The following USP33 variants were observed in gnomAD, a reference collection of about 807,000 sequenced individuals.
USP33 encodes ubiquitin specific peptidase 33.
Under a neutral mutation model 124.2 loss-of-function variants are expected in USP33, and 46 were observed. The observed-to-expected ratio is 0.37, with a 90% confidence interval of 0.29 to 0.47. The LOEUF (loss-of-function observed/expected upper bound fraction) is 0.47. Ranked by LOEUF, USP33 falls within the 20% of genes least tolerant of loss-of-function variation. The pLI is 0.99. For synonymous variants in USP33, 350 were observed against 352.3 expected, an observed-to-expected ratio of 0.99 and a Z score of 0.07; for missense variants, 851 against 1,070.6, an observed-to-expected ratio of 0.79 and a Z score of 2.86.
At chr1:77,758,819 A>C (rs1011850847) in intron 1 of USP33, among the ~76,000 whole-genome samples, 10 of 152,212 alleles carry the variant, frequency 6.6e-5, no homozygotes, top group Admixed American at 6.5e-5. Context: ...AAAGGCCTAG[A>C]GATCGTTACG....
chr1:77,744,034 G>A (rs1432384809), intron 1 of USP33, among the ~76,000 whole-genome samples: 2 of 151,362 alleles, frequency 1.3e-5, no homozygotes, highest in African/African-American at 2.4e-5. Flanking sequence ...TGAGACAGGA[G>A]AATTGCTTGA....
At chr1:77,718,394 A>T (rs1676161701) in intron 16 of USP33, among the ~76,000 whole-genome samples, 1 of 152,238 alleles carries the variant, frequency 6.6e-6, no homozygotes, top group Non-Finnish European at 1.5e-5. Flanking sequence ...AGTATGATTA[A>T]ACTTTGTTCA....
At chr1:77,733,158 CT>C (rs1678035555) in intron 7 of USP33, among the ~76,000 whole-genome samples, 3 of 152,208 alleles carry the variant, frequency 2.0e-5, no homozygotes, top group African/African-American at 7.2e-5. Context: ...CTTTGGGAGG[CT>C]GAGGCATGCG....
chr1:77,754,415 G>A (rs1372977159), intron 1 of USP33, among the ~76,000 whole-genome samples: 2 of 152,176 alleles, frequency 1.3e-5, no homozygotes, highest in Non-Finnish European at 2.9e-5. Context: ...TGAATGGAAG[G>A]AAGTTATCAA....
At chr1:77,736,357 C>T (rs1387087906) in intron 5 of USP33, among the ~76,000 whole-genome samples, 199 bp from the exon 6 acceptor site, 1 of 152,152 alleles carries the variant, frequency 6.6e-6, no homozygotes, top group Non-Finnish European at 1.5e-5. Flanking sequence ...AATAGCATGT[C>T]AGTCCCGCTT....
chr1:77,704,780 G>A (rs1259756194), intron 21 of USP33, among the ~76,000 whole-genome samples: 1 of 152,082 alleles, frequency 6.6e-6, no homozygotes, highest in East Asian at 1.9e-4. Context: ...CCCATCTATT[G>A]AGGTTTTGTT....
At chr1:77,733,331 T>C (rs2101496933) in intron 7 of USP33, among the ~76,000 whole-genome samples, 1 of 151,010 alleles carries the variant, frequency 6.6e-6, no homozygotes, top group African/African-American at 2.4e-5. Context: ...GAGGCAGAGC[T>C]GCAGTGAGCC....
At chr1:77,719,986 A>C (rs2101365532) in intron 15 of USP33, among the ~76,000 whole-genome samples, 1 of 151,636 alleles carries the variant, frequency 6.6e-6, no homozygotes, top group Admixed American at 6.6e-5. Context: ...ACATGACAAA[A>C]CCCCATTTCT....
At chr1:77,717,799 C>A in intron 17 of USP33, 68 bp downstream of exon 17, 1 of 1,393,682 alleles carries the variant, frequency 7.2e-7, no homozygotes, top group Non-Finnish European at 9.5e-7. Flanking sequence ...CAGGTATGAG[C>A]CACCACGCCC....
chr1:77,731,498 A>G, intron 7 of USP33, among the ~76,000 whole-genome samples: 1 of 152,164 alleles, frequency 6.6e-6, no homozygotes, highest in East Asian at 1.9e-4. Context: ...CTATGAAGGC[A>G]GTTAGATAAC....
At chr1:77,718,308 G>A (rs567207030) in intron 16 of USP33, among the ~76,000 whole-genome samples, 2 of 152,122 alleles carry the variant, frequency 1.3e-5, no homozygotes, top group African/African-American at 2.4e-5. Context: ...TATGGAAATG[G>A]TGAAACATGG....
At position 77,750,052 on chromosome 1, in the gene USP33, C is replaced by T. The variant is rs186862881; in HGVS notation, c.-51-8304G>A. 1.5e-3 allele frequency among the ~76,000 whole-genome samples: 231 copies of T among 151,894 alleles called. 2 individuals are homozygous for T. The highest frequency in any genetic ancestry group is 5.3e-3 in the African/African-American group (220 of 41,454). ...AGAATTGGCTGGGCAGGGCCAGGTG[C>T]GATGACTGTAATTCCAGAATTTTGG... On this transcript the variant is annotated intron_variant, in intron 1 of 23. Coordinates refer to ENST00000370794, the MANE Select transcript of USP33 (RefSeq NM_201624.3).
At chr1:77,711,933 T>C (rs1342055694) in intron 20 of USP33, 78 bp from the exon 21 acceptor site, 3 of 1,312,038 alleles carry the variant, frequency 2.3e-6, no homozygotes, top group Non-Finnish European at 3.1e-6. Flanking sequence ...AAATACCCAG[T>C]AAAAATAAAT....
At chr1:77,734,632 A>C (rs1045336829) in intron 6 of USP33, among the ~76,000 whole-genome samples, 1 of 152,210 alleles carries the variant, frequency 6.6e-6, no homozygotes, top group Non-Finnish European at 1.5e-5. Flanking sequence ...AAACTTTGAA[A>C]TTTGCACAGG....
At chr1:77,755,987 T>C (rs1041238862) in intron 1 of USP33, among the ~76,000 whole-genome samples, 1 of 152,254 alleles carries the variant, frequency 6.6e-6, no homozygotes, top group Non-Finnish European at 1.5e-5. Context: ...CTGAATACTA[T>C]GCAATTTTTT....
intron 1 of USP33, among the ~76,000 whole-genome samples, chr1:77,749,487 T>C (rs1032435650): frequency 1.8e-4 from 28 of 152,042 alleles, no homozygotes; most frequent in African/African-American, 6.0e-4. Context: ...GTTCGTACGA[T>C]TCTCTTGTCT....
In USP33 at chr1:77,697,930, A is replaced by G; in HGVS notation, c.2511T>C (p.Asp837=). The G allele has an allele frequency of 6.3e-7, 1 of 1,594,334 alleles. No individual in the cohort carries two copies. The highest frequency in any genetic ancestry group is 8.5e-7 in the Non-Finnish European group (1 of 1,174,192). ...WESFVKGKDG[D]PPGPIDNTKI... ...TAGTATTGTCAATAGGACCTGGAGG[A>G]TCTAAAGGAAAAAATATCAAAATGT... is the stretch of plus-strand genomic sequence containing the variant. The change falls in exon 23 of 24, where the codon GAT becomes GAC. Residue 837 remains aspartate, a splice_region_variant and synonymous_variant. Transcript: ENST00000370794.
At chr1:77,726,805 T>C (rs10873953) in intron 10 of USP33, among the ~76,000 whole-genome samples, 64,027 of 152,002 alleles carry the variant, frequency 0.42, 15,754 homozygotes, top group African/African-American at 0.68. Context: ...TAATAAAAAA[T>C]ACACCACTTC....
chr1:77,745,005 T>C (rs1423611119), intron 1 of USP33, among the ~76,000 whole-genome samples: 1 of 152,230 alleles, frequency 6.6e-6, no homozygotes, highest in African/African-American at 2.4e-5. Context: ...CGTTGATCTG[T>C]CTAATGTTGA....
Sources: gnomAD v4.1 joint callset for allele counts (sites outside exome capture counted in the v4.1 genomes callset) on GRCh38, gnomAD v4.1.1 for gene constraint, MANE v1.5 for transcripts, NCBI Gene and HGNC (gene_info 2026-07-23, HGNC 2026-07-21) for gene names.